ZNF678: variants seen among roughly 807,000 people sequenced by gnomAD.
The protein encoded by ZNF678 is zinc finger protein 678, also known as hypothetical protein MGC42493.
A neutral mutation model predicts 3.0 loss-of-function variants in ZNF678; 5 were observed. The ratio of observed to expected loss-of-function variants is 1.69; its 90% CI spans 0.88 to 3.56. The LOEUF is 3.56. ZNF678 is among the 30% of genes most tolerant of loss of function. ZNF678 has a pLI of 0.00. For synonymous variants in ZNF678, 218 were observed against 199.6 expected (o/e 1.09, Z -0.78); for missense variants, 593 against 605.0 (o/e 0.98, Z 0.21).
chr1:227,679,397 G>A (rs1659731428), downstream of ZNF678, among the ~76,000 whole-genome samples: 1 of 152,062 alleles, frequency 6.6e-6, no homozygotes, highest in Admixed American at 6.5e-5. Context: ...GATCGACCCT[G>A]GCCTAACTGG....
chr1:227,672,424 G>A (rs957315465), intron 5 of ZNF678, among the ~76,000 whole-genome samples: 1 of 152,020 alleles, frequency 6.6e-6, no homozygotes, highest in Non-Finnish European at 1.5e-5. Flanking sequence ...GGAGGCTCAG[G>A]GTACTATAAA....
At chr1:227,672,985 C>A (rs1558165136) in intron 5 of ZNF678, among the ~76,000 whole-genome samples, 1 of 152,084 alleles carries the variant, frequency 6.6e-6, no homozygotes, top group African/African-American at 2.4e-5. Context: ...ATTTTTAAGC[C>A]CAGTAGGGTT....
intron 2 of ZNF678, 95 bp from the exon 3 acceptor site, chr1:227,650,861 A>G: frequency 1.1e-6 from 1 of 887,658 alleles, no homozygotes; most frequent in South Asian, 2.0e-5. Context: ...TTCTACATAT[A>G]AGATAATGTC....
At chr1:227,640,951 A>G (rs1298580148) in intron 1 of ZNF678, among the ~76,000 whole-genome samples, 1 of 152,248 alleles carries the variant, frequency 6.6e-6, no homozygotes, top group Non-Finnish European at 1.5e-5. Flanking sequence ...TCCTAAGACC[A>G]GATGATCATT....
At chr1:227,582,793 T>A (rs1657164386) in intron 1 of ZNF678, among the ~76,000 whole-genome samples, 1 of 152,322 alleles carries the variant, frequency 6.6e-6, no homozygotes, top group Admixed American at 6.5e-5. Context: ...TCTGTGTGTG[T>A]GTGTGAATGT....
intron 1 of ZNF678, among the ~76,000 whole-genome samples, chr1:227,579,107 C>T (rs1657056657): frequency 6.6e-6 from 1 of 152,090 alleles, no homozygotes; most frequent in Non-Finnish European, 1.5e-5. Context: ...GTTTGGAATC[C>T]ACTGCACTGT....
intron 1 of ZNF678, among the ~76,000 whole-genome samples, chr1:227,610,539 G>A (rs1251744068): frequency 1.3e-5 from 2 of 152,142 alleles, no homozygotes; most frequent in Non-Finnish European, 2.9e-5. Context: ...AATGGACTTG[G>A]AGGAGAACAA....
At chr1:227,593,305 A>G (rs182904771) in intron 1 of ZNF678, among the ~76,000 whole-genome samples, 2 of 152,244 alleles carry the variant, frequency 1.3e-5, no homozygotes, top group African/African-American at 4.8e-5. Context: ...AGGCATTTGC[A>G]TCTTGGTATC....
At chr1:227,564,350 A>T (rs1014303610) in intron 1 of ZNF678, among the ~76,000 whole-genome samples, 5 of 152,240 alleles carry the variant, frequency 3.3e-5, no homozygotes, top group African/African-American at 1.2e-4. Context: ...TACTTAAGGC[A>T]GTCATTAACA....
At chr1:227,570,815 C>T (rs922610814) in intron 1 of ZNF678, among the ~76,000 whole-genome samples, 9 of 152,060 alleles carry the variant, frequency 5.9e-5, no homozygotes, top group Admixed American at 3.3e-4. Flanking sequence ...ACATTAAGAA[C>T]AACATGGTAG....
Position 227,671,450 on chromosome 1 carries a change from G to T in ZNF678, c.227-5729G>T, listed in dbSNP as rs567738459. Among the ~76,000 whole-genome samples, 6 of 152,110 alleles carry T rather than the reference G, an allele frequency of 3.9e-5. No homozygotes were observed. In the South Asian group the frequency reaches 1.2e-3, roughly 32 times the overall value. On this transcript the variant is annotated intron_variant, in intron 5 of 5. Coordinates refer to the ZNF678 transcript ENST00000608949. ...CACATATTGGTGTGACGGACCAATAGGGCTGAATTTTTTTTCATGCCCAGT... is the reference window on the plus strand; with the variant it reads ...CACATATTGGTGTGACGGACCAATATGGCTGAATTTTTTTTCATGCCCAGT...
At chr1:227,650,694 T>G (rs1219989244) in intron 2 of ZNF678, among the ~76,000 whole-genome samples, 1 of 152,086 alleles carries the variant, frequency 6.6e-6, no homozygotes, top group African/African-American at 2.4e-5. Flanking sequence ...ATTTTTCACT[T>G]GTTTAAGTTT....
intron 1 of ZNF678, among the ~76,000 whole-genome samples, chr1:227,634,179 C>T (rs1323240424): frequency 3.3e-5 from 5 of 152,322 alleles, no homozygotes; most frequent in Non-Finnish European, 7.4e-5. Flanking sequence ...CAGAATTTAC[C>T]TGCTAACTAA....
chr1:227,655,802 A>G lies in ZNF678; in HGVS notation c.1552A>G (p.Lys518Glu). The change falls in exon 4 of 4, where the codon AAA becomes GAA. Residue 518 changes from lysine to glutamate, a missense_variant. Transcript: ENST00000343776. ...KRIYTGEEPD[K>E]CKKCGSL Reference sequence around the variant, plus strand: ...AATTTATACTGGAGAGGAACCTGACAAATGTAAAAAATGTGGCAGTCTTTA... The same window carrying G: ...AATTTATACTGGAGAGGAACCTGACGAATGTAAAAAATGTGGCAGTCTTTA... The G allele has an allele frequency of 6.4e-7, 1 of 1,571,658 alleles. No homozygotes were observed.
chr1:227,652,684 C>T (rs981981366), intron 3 of ZNF678, among the ~76,000 whole-genome samples: 8 of 152,102 alleles, frequency 5.3e-5, no homozygotes, highest in Non-Finnish European at 1.0e-4. Context: ...CCCTAAACTT[C>T]ATATTATTGA....
intron 1 of ZNF678, among the ~76,000 whole-genome samples, chr1:227,645,592 T>A (rs1261544703): frequency 1.3e-5 from 2 of 152,244 alleles, no homozygotes; most frequent in African/African-American, 4.8e-5. Flanking sequence ...TTCTTTTGTA[T>A]CTGTTGAACA....
At chr1:227,580,364 A>G (rs1657094356) in intron 1 of ZNF678, among the ~76,000 whole-genome samples, 1 of 152,190 alleles carries the variant, frequency 6.6e-6, no homozygotes, top group Non-Finnish European at 1.5e-5. Context: ...TTCATTAGTC[A>G]TACTTTCACC....
intron 1 of ZNF678, among the ~76,000 whole-genome samples, chr1:227,586,272 C>T (rs1458914498): frequency 6.6e-6 from 1 of 152,108 alleles, no homozygotes; most frequent in East Asian, 1.9e-4. Flanking sequence ...CAGGAAAATA[C>T]TAATGAATTA....
chr1:227,637,268 G>C (rs1658701237), intron 1 of ZNF678, among the ~76,000 whole-genome samples: 1 of 152,228 alleles, frequency 6.6e-6, no homozygotes, highest in Admixed American at 6.5e-5. Flanking sequence ...GAGCTGGTTA[G>C]CACAGTGCTT....
Sources: gnomAD v4.1 joint callset for allele counts (sites outside exome capture counted in the v4.1 genomes callset) on GRCh38, gnomAD v4.1.1 for gene constraint, MANE v1.5 for transcripts, NCBI Gene and HGNC (gene_info 2026-07-23, HGNC 2026-07-21) for gene names.